MLLT3: variants seen among roughly 807,000 people sequenced by gnomAD.
MLLT3 encodes the protein MLLT3 super elongation complex subunit, also known as protein AF-9.
A neutral mutation model predicts 53.2 loss-of-function variants in MLLT3; 4 were observed. The ratio of observed to expected loss-of-function variants is 0.08; its 90% CI spans 0.04 to 0.17. MLLT3 has a LOEUF of 0.17. Among genes scored for constraint, MLLT3 ranks in the 10% least tolerant of loss-of-function variants. The pLI is 1.00. For synonymous variants in MLLT3, 283 were observed against 230.6 expected (o/e 1.23, Z -2.06); for missense variants, 569 against 684.0 (o/e 0.83, Z 1.87).
chr9:20,386,499 T>A (rs920803499), intron 5 of MLLT3, among the ~76,000 whole-genome samples: 2 of 152,214 alleles, frequency 1.3e-5, no homozygotes, highest in African/African-American at 4.8e-5. Context: ...CTGGCTCCTG[T>A]CATCAAGCTT....
intron 2 of MLLT3, among the ~76,000 whole-genome samples, chr9:20,615,408 A>C (rs1820808487): frequency 6.7e-6 from 1 of 149,266 alleles, no homozygotes; most frequent in East Asian, 2.0e-4. Flanking sequence ...AATGGATAGT[A>C]ATAGTAGCTA....
chr9:20,536,625 G>C (rs1295242932), intron 2 of MLLT3, among the ~76,000 whole-genome samples: 1 of 152,136 alleles, frequency 6.6e-6, no homozygotes, highest in Non-Finnish European at 1.5e-5. Flanking sequence ...TAGTAACATA[G>C]GTAAGGCATA....
chr9:20,510,613 GA>G (rs36032614), intron 2 of MLLT3, among the ~76,000 whole-genome samples: 66,533 of 105,642 alleles, frequency 0.63, 19,650 homozygotes, highest in Middle Eastern at 0.66. Flanking sequence ...CTCCATCTCA[GA>G]AAAAAAAAAA....
chr9:20,484,038 T>C (rs960247033), intron 2 of MLLT3, among the ~76,000 whole-genome samples: 3 of 152,088 alleles, frequency 2.0e-5, no homozygotes, highest in African/African-American at 7.2e-5. Context: ...TAGCATAGAT[T>C]AGTAGATATA....
chr9:20,612,412 T>C (rs1330982067), intron 2 of MLLT3, among the ~76,000 whole-genome samples: 1 of 152,162 alleles, frequency 6.6e-6, no homozygotes, highest in Non-Finnish European at 1.5e-5. Context: ...TTAAGCACAT[T>C]ACTATGGCCA....
intron 2 of MLLT3, among the ~76,000 whole-genome samples, chr9:20,591,649 C>T (rs1253251975): frequency 6.6e-6 from 1 of 152,144 alleles, no homozygotes; most frequent in African/African-American, 2.4e-5. Context: ...ACCAAACTTA[C>T]ATGCAAACTG....
chr9:20,443,559 C>A (rs572416969), intron 4 of MLLT3, among the ~76,000 whole-genome samples: 3 of 152,212 alleles, frequency 2.0e-5, no homozygotes, highest in East Asian at 3.9e-4. Context: ...AGGAAGAAAC[C>A]ACGGGCTAAT....
chr9:20,470,382 T>G (rs2118886822), intron 2 of MLLT3, among the ~76,000 whole-genome samples: 1 of 152,154 alleles, frequency 6.6e-6, no homozygotes, highest in Admixed American at 6.5e-5. Context: ...TAAAAAAAAT[T>G]GCTCTCCCTG....
intron 2 of MLLT3, among the ~76,000 whole-genome samples, chr9:20,565,958 ATATATATATT>A (rs1221237552): frequency 1.5e-4 from 5 of 33,926 alleles, no homozygotes; most frequent in African/African-American, 4.8e-4. Context: ...ATATATTTAT[ATATATATATT>A]TATATATATA....
intron 2 of MLLT3, among the ~76,000 whole-genome samples, chr9:20,537,723 G>A (rs896103923): frequency 2.6e-5 from 4 of 151,964 alleles, no homozygotes; most frequent in Admixed American, 1.3e-4. Context: ...AAATTTAAAA[G>A]CACTACCATT....
intron 2 of MLLT3, among the ~76,000 whole-genome samples, chr9:20,523,776 C>A (rs1034342116): frequency 6.6e-5 from 10 of 152,000 alleles, no homozygotes; most frequent in African/African-American, 1.9e-4. Flanking sequence ...CAAGACCAGC[C>A]TGGGCAACAT....
At chr9:20,601,035 C>T (rs946350055) in intron 2 of MLLT3, among the ~76,000 whole-genome samples, 5 of 152,214 alleles carry the variant, frequency 3.3e-5, no homozygotes, top group African/African-American at 1.2e-4. Context: ...GACATGTTTG[C>T]TTTTTCTCTG....
chr9:20,367,223 A>C (rs1455188268), intron 5 of MLLT3, among the ~76,000 whole-genome samples: 3 of 152,202 alleles, frequency 2.0e-5, no homozygotes, highest in Admixed American at 6.5e-5. Context: ...AAAGTTCCAC[A>C]TCCTCTTTGA....
chr9:20,404,521 T>C (rs894760564), intron 5 of MLLT3, among the ~76,000 whole-genome samples: 1 of 152,160 alleles, frequency 6.6e-6, no homozygotes, highest in Non-Finnish European at 1.5e-5. Context: ...TAGTTTTTGA[T>C]TTTGAAACGG....
intron 2 of MLLT3, among the ~76,000 whole-genome samples, chr9:20,517,247 C>G (rs1817938225): frequency 6.6e-6 from 1 of 152,038 alleles, no homozygotes; most frequent in Non-Finnish European, 1.5e-5. Context: ...CCAACAGTTT[C>G]TACCTACTGT....
intron 2 of MLLT3, among the ~76,000 whole-genome samples, chr9:20,490,400 G>T (rs557916704): frequency 1.3e-5 from 2 of 152,218 alleles, no homozygotes; most frequent in African/African-American, 4.8e-5. Context: ...AATTTGTCAC[G>T]CCATTGCTGG....
intron 2 of MLLT3, among the ~76,000 whole-genome samples, chr9:20,605,032 C>T (rs1035336445): frequency 2.0e-5 from 3 of 152,138 alleles, no homozygotes; most frequent in Admixed American, 2.0e-4. Context: ...TATTCAAGAA[C>T]ATATTAAGCT....
chr9:20,381,704 A>G (rs1212729343), intron 5 of MLLT3, among the ~76,000 whole-genome samples: 1 of 151,918 alleles, frequency 6.6e-6, no homozygotes, highest in African/African-American at 2.4e-5. Context: ...TAGTGGTTAG[A>G]TAACAAGGGA....
chr9:20,605,794 A>G (rs1820547829), intron 2 of MLLT3, among the ~76,000 whole-genome samples: 1 of 152,114 alleles, frequency 6.6e-6, no homozygotes, highest in Non-Finnish European at 1.5e-5. Context: ...CTTTCTGATT[A>G]TGAGTCCTAT....
Sources: gnomAD v4.1 joint callset for allele counts (sites outside exome capture counted in the v4.1 genomes callset) on GRCh38, gnomAD v4.1.1 for gene constraint, MANE v1.5 for transcripts, NCBI Gene and HGNC (gene_info 2026-07-23, HGNC 2026-07-21) for gene names.